PRB3: variants seen among roughly 807,000 people sequenced by gnomAD.
PRB3 encodes basic salivary proline-rich protein 3.
Under a neutral mutation model 10.0 loss-of-function variants are expected in PRB3, and 9 were observed. That is an observed-to-expected ratio of 0.90 (90% CI 0.54 to 1.57). The LOEUF is 1.57. Ranked by LOEUF, PRB3 falls within the 40% of genes most tolerant of loss-of-function variation. The pLI is 0.00. For synonymous variants in PRB3, 89 were observed against 138.6 expected, an observed-to-expected ratio of 0.64 and a Z score of 2.52; for missense variants, 285 against 385.5, an observed-to-expected ratio of 0.74 and a Z score of 2.18.
intron 1 of PRB3, 131 bp from the exon 2 acceptor site, chr12:11,268,799 C>G: frequency 1.8e-6 from 2 of 1,116,472 alleles, no homozygotes; most frequent in South Asian, 2.5e-5. Context: ...CAGCTACCAT[C>G]TGTGAAGCTG....
chr12:11,268,536 T>C (rs1948619460), intron 2 of PRB3, 97 bp downstream of exon 2: 1 of 1,454,750 alleles, frequency 6.9e-7, no homozygotes, highest in African/African-American at 1.4e-5. Context: ...TTAATCAATT[T>C]CTAAAGGAAA....
intron 1 of PRB3, among the ~76,000 whole-genome samples, chr12:11,269,352 A>G (rs919263133): frequency 2.6e-5 from 4 of 152,144 alleles, no homozygotes; most frequent in Non-Finnish European, 5.9e-5. Flanking sequence ...TTCACAGCAC[A>G]GTTCTATCTC....
rs1948583054 is a variant in PRB3 at position 11,265,966 on chromosome 12, C to T, written c.*81G>A. The stretch of plus-strand genomic sequence containing the variant: ...TGGTATATTAAAGGTAGAGCTATGA[C>T]CACCTTCTTCCAATGTCATGGCATT... On this transcript the variant is annotated 3_prime_UTR_variant, in exon 4 of 4. Coordinates refer to ENST00000538488, the MANE Select transcript of PRB3 (RefSeq NM_001394862.1). 1 of 456,436 alleles carries T rather than the reference C, an allele frequency of 2.2e-6. No individual in the cohort carries two copies. The highest frequency in any genetic ancestry group is 4.4e-6 in the Non-Finnish European group (1 of 226,764). 28.3% of individuals were successfully genotyped at this position (456,436 alleles called of 1,614,324 possible). A position where few individuals can be genotyped will look rare whatever the true frequency, so the allele number is the denominator to read the frequency against.
In PRB3 at chr12:11,267,995, C is replaced by T; in HGVS notation, c.254G>A (p.Gly85Glu). 1.9e-6 allele frequency: 3 copies of T among 1,588,180 alleles called. No homozygotes were observed. Among genetic ancestry groups the T allele is most frequent in the Non-Finnish European group, 2.6e-6 (3 of 1,166,630 alleles). The change falls in exon 3 of 4, where the codon GGA (glycine) becomes GAA (glutamate). Residue 85 changes from glycine to glutamate, a missense_variant. Transcript: ENST00000538488. ...TGGGGGACCTTGGGACTGGTTTCCT[C>T]CTTGTGGGGGTGGTCCTTCTGGCTT... ...PGKPEGPPPQGGNQSQGPPPR... is the reference protein window; with the variant it reads ...PGKPEGPPPQEGNQSQGPPPR...
intron 1 of PRB3, among the ~76,000 whole-genome samples, chr12:11,269,307 T>A (rs1948627412): frequency 6.6e-6 from 1 of 152,192 alleles, no homozygotes; most frequent in Admixed American, 6.5e-5. Context: ...ACAGCTGGAC[T>A]TTCCTGAATC....
chr12:11,269,554 ACCT>A (rs1555186060), intron 1 of PRB3, 49 bp downstream of exon 1: 9 of 1,594,614 alleles, frequency 5.6e-6, no homozygotes, highest in Non-Finnish European at 7.7e-6. Flanking sequence ...TACAACTATC[ACCT>A]CCTAAGCCCC....
rs142192897 is a variant in PRB3, at chr12:11,268,152, G to A, written c.101-4C>T. ...GGGCGTCGTCCTTCTGGCTTTCCTG[G>A]AGGAGGTGGACACACGGCATTCACT... On this transcript the variant is annotated splice_region_variant and splice_polypyrimidine_tract_variant and intron_variant, in intron 2 of 3. Coordinates refer to ENST00000538488, the MANE Select transcript of PRB3 (RefSeq NM_001394862.1). 0.043 allele frequency: 56,796 copies of A among 1,317,502 alleles called. 1,249 individuals are homozygous for A. The highest frequency in any genetic ancestry group is 0.048 in the Non-Finnish European group (47,980 of 999,124). 81.6% of individuals were successfully genotyped at this position (1,317,502 alleles called of 1,614,324 possible).
chr12:11,267,054 T>C (rs750518573), intron 3 of PRB3, 122 bp downstream of exon 3: 5 of 1,028,482 alleles, frequency 4.9e-6, no homozygotes, highest in Non-Finnish European at 7.6e-6. Flanking sequence ...TGAATACAAA[T>C]CTTTAGAAAT....
Position 11,269,707 on chromosome 12 carries a change from T to C in PRB3, c.-38A>G. The C allele has an allele frequency of 6.2e-7, 1 of 1,612,078 alleles. No homozygotes were observed. Reference sequence around the variant, plus strand: ...TCTGGAGTCACTCCCAACTCTGTGCTGGGAGAACCATGGCAGCTCCCTTTA... The same window carrying C: ...TCTGGAGTCACTCCCAACTCTGTGCCGGGAGAACCATGGCAGCTCCCTTTA... On this transcript the variant is annotated 5_prime_UTR_variant, in exon 1 of 4. Coordinates refer to ENST00000538488, the MANE Select transcript of PRB3 (RefSeq NM_001394862.1).
At chr12:11,268,593 G>A (rs1262675965) in intron 2 of PRB3, 40 bp downstream of exon 2, 1 of 1,571,610 alleles carries the variant, frequency 6.4e-7, no homozygotes, top group African/African-American at 1.4e-5. Context: ...ATAAGCAGAA[G>A]AAGATAGTTA....
At chr12:11,269,362 C>G (rs754213659) in intron 1 of PRB3, among the ~76,000 whole-genome samples, 2 of 152,188 alleles carry the variant, frequency 1.3e-5, no homozygotes, top group African/African-American at 2.4e-5. Context: ...AGTTCTATCT[C>G]TCTATAAATG....
In PRB3 at chr12:11,269,682, T is replaced by C. The variant is rs1948631672; in HGVS notation, c.-13A>G. The C allele has an allele frequency of 1.2e-6, 2 of 1,613,674 alleles. No individual in the cohort carries two copies. Among genetic ancestry groups the C allele is most frequent in the South Asian group, 2.2e-5 (2 of 91,068 alleles). On this transcript the variant is annotated 5_prime_UTR_variant, in exon 1 of 4. Coordinates refer to ENST00000538488, the MANE Select transcript of PRB3 (RefSeq NM_001394862.1). The stretch of plus-strand genomic sequence containing the variant: ...GAATCAGTAGCATCTTGCTGGAGGC[T>C]CTGGAGTCACTCCCAACTCTGTGCT...
chr12:11,265,962 A>G lies in PRB3; in HGVS notation c.*85T>C, dbSNP rs2136562755. On this transcript the variant is annotated 3_prime_UTR_variant, in exon 4 of 4. Coordinates refer to ENST00000538488, the MANE Select transcript of PRB3 (RefSeq NM_001394862.1). ...TTATTGGTATATTAAAGGTAGAGCT[A>G]TGACCACCTTCTTCCAATGTCATGG... The G allele has an allele frequency of 4.4e-6, 2 of 456,482 alleles. No individual in the cohort carries two copies. The highest frequency in any genetic ancestry group is 8.8e-6 in the Non-Finnish European group (2 of 226,780). The allele number at this position is 456,482 out of a possible 1,614,324, so 28.3% of individuals were successfully genotyped here.
Position 11,269,700 on chromosome 12 carries a change from T to C in PRB3, c.-31A>G. 6.2e-7 allele frequency: 1 copy of C among 1,611,734 alleles called. No individual in the cohort carries two copies. The highest frequency in any genetic ancestry group is 8.5e-7 in the Non-Finnish European group (1 of 1,177,984). On this transcript the variant is annotated 5_prime_UTR_variant, in exon 1 of 4. Transcript: ENST00000538488. The stretch of plus-strand genomic sequence containing the variant: ...TGGAGGCTCTGGAGTCACTCCCAAC[T>C]CTGTGCTGGGAGAACCATGGCAGCT...
rs750709449 is a variant in PRB3 at position 11,268,664 on chromosome 12, G to A, written c.69C>T (p.Val23=). ...TTACGGAGGGAGATTCTTCCTGGCT[G>A]ACATCTAGAAGAGAAGCACAGGATG... The part of the protein sequence containing the change: ...LSSAQSLNED[V]SQEESPSVIS... The change falls in exon 2 of 4, where the codon GTC becomes GTT. Residue 23 remains valine, a synonymous_variant. Coordinates refer to ENST00000538488, the MANE Select transcript of PRB3 (RefSeq NM_001394862.1). The A allele has an allele frequency of 1.9e-6, 3 of 1,612,974 alleles. No homozygotes were observed. Among genetic ancestry groups the A allele is most frequent in the East Asian group, 2.2e-5 (1 of 44,898 alleles).
chr12:11,267,290 T>G lies in PRB3; in HGVS notation c.959A>C (p.Gln320Pro). The G allele has an allele frequency of 6.2e-7, 1 of 1,613,028 alleles. No individual in the cohort carries two copies. Among genetic ancestry groups the G allele is most frequent in the Non-Finnish European group, 8.5e-7 (1 of 1,179,412 alleles). ...CTTTCCAGCGGGAGGTGGCAGAGGC[T>G]GCTGGGGATTGCCTCCTGGTGGGGG... ...GPPPPGGNPQ[Q>P]PLPPPAGKPQ... The change falls in exon 3 of 4, where the codon CAG becomes CCG. Residue 320 changes from glutamine to proline, a missense_variant. By Grantham distance (76) the Gln-to-Pro change is moderately conservative. This residue lies in a region of PRB3 where 108 missense variants were observed against 106.9 expected (regional missense o/e 1.01). Transcript: ENST00000538488.
rs1948600134 is a variant in PRB3 at position 11,267,437 on chromosome 12, G to A, written c.812C>T (p.Pro271Leu). 1 of 1,569,608 alleles carries A rather than the reference G, an allele frequency of 6.4e-7. No individual in the cohort carries two copies. Among genetic ancestry groups the A allele is most frequent in the African/African-American group, 1.4e-5 (1 of 73,264 alleles). The change falls in exon 3 of 4, where the codon CCT becomes CTT. Residue 271 changes from proline (P) to leucine (L), a missense_variant. Physicochemically the swap from Pro to Leu is moderately conservative, Grantham distance 98 (BLOSUM62 -3). This residue lies in a region of PRB3 where 108 missense variants were observed against 106.9 expected (regional missense o/e 1.01). Coordinates refer to ENST00000538488, the MANE Select transcript of PRB3 (RefSeq NM_001394862.1). The part of the protein sequence containing the change: ...PPRPGKPEGP[P>L]SQGGNKPQGP... ...TTGAGGTTTGTTGCCTCCTTGTGAA[G>A]GTGGTCCTTCTGGCTTTCCTGGACG...
At position 11,265,930 on chromosome 12, in the gene PRB3, G is replaced by A; in HGVS notation, c.*117C>T. ...ACACCACAATCAGAAATTGTAAGCT[G>A]TTTATTTTATTGGTATATTAAAGGT... On this transcript the variant is annotated 3_prime_UTR_variant, in exon 4 of 4. Coordinates refer to ENST00000538488, the MANE Select transcript of PRB3 (RefSeq NM_001394862.1). The A allele has an allele frequency of 4.4e-6, 2 of 455,946 alleles. No individual in the cohort carries two copies. The highest frequency in any genetic ancestry group is 3.1e-5 in the South Asian group (2 of 64,440). 28.2% of individuals were successfully genotyped at this position (455,946 alleles called of 1,614,324 possible). A position where few individuals can be genotyped will look rare whatever the true frequency, so the allele number is the denominator to read the frequency against.
chr12:11,268,223 A>T, intron 2 of PRB3, 75 bp from the exon 3 acceptor site: 2 of 1,604,266 alleles, frequency 1.2e-6, no homozygotes, highest in African/African-American at 1.3e-5. Context: ...AAATGGGGAA[A>T]TGCACAAAAA....
Sources: allele counts gnomAD v4.1 joint callset (sites outside exome capture counted in the v4.1 genomes callset), GRCh38; gene constraint gnomAD v4.1.1; regional missense constraint gnomAD v4.1.1; transcripts MANE v1.5; gene names NCBI Gene and HGNC (gene_info 2026-07-23, HGNC 2026-07-21).